AXDND1: variants seen among roughly 807,000 people sequenced by gnomAD.
AXDND1 encodes the protein axonemal dynein light chain domain-containing protein 1.
AXDND1 carries 110 observed loss-of-function variants against 137.5 expected under a neutral mutation model. The ratio of observed to expected loss-of-function variants is 0.80; its 90% CI spans 0.69 to 0.94. The LOEUF (loss-of-function observed/expected upper bound fraction) is 0.94, where lower values mean the gene tolerates loss of function less well. AXDND1 is among the 40% of genes least tolerant of loss of function. AXDND1 has a pLI of 0.00. For synonymous variants in AXDND1, 414 were observed against 399.7 expected (o/e 1.04, Z -0.43); for missense variants, 1,191 against 1,169.8 (o/e 1.02, Z -0.26).
chr1:179,463,447 C>A lies in AXDND1; in HGVS notation c.1799-4996C>A, dbSNP rs569505237. ...AGCAGTTTTGAGTGAGTTTCTTAATCCTGAGTTCTAGTTTGATTGCACTGT... is the reference window on the plus strand; with the variant it reads ...AGCAGTTTTGAGTGAGTTTCTTAATACTGAGTTCTAGTTTGATTGCACTGT... On this transcript the variant is annotated intron_variant, in intron 16 of 25. Transcript: ENST00000367618. Among the ~76,000 whole-genome samples the A allele has an allele frequency of 1.6e-4, 25 of 152,298 alleles. 1 individual carries two copies. In the South Asian group the frequency reaches 5.0e-3, roughly 30 times the overall value.
At chr1:179,456,750 C>T in intron 16 of AXDND1, 1 of 781,404 alleles carries the variant, frequency 1.3e-6, no homozygotes, top group Non-Finnish European at 2.3e-6. Flanking sequence ...TCCAGAACTA[C>T]TTTGACCTCT....
In AXDND1 at chr1:179,393,944, T is replaced by C. The variant is rs1650603252; in HGVS notation, c.905T>C (p.Met302Thr). ...VQMLDQIARQ[M>T]IDFYKDLVTQ... ...ATGCTTGACCAGATTGCTCGGCAGA[T>C]GATTGATTTCTACAAAGACTTGGTA... is the stretch of plus-strand genomic sequence containing the variant. Residue 302 changes from methionine (M) to threonine (T), a missense_variant, in exon 10 of 26, where the codon ATG (methionine) becomes ACG (threonine). By Grantham distance (81) the Met-to-Thr change is moderately conservative. Transcript: ENST00000367618. 1 of 1,612,370 alleles carries C rather than the reference T, an allele frequency of 6.2e-7. No individual in the cohort carries two copies. Among genetic ancestry groups the C allele is most frequent in the Admixed American group, 1.7e-5 (1 of 59,568 alleles).
intron 21 of AXDND1, among the ~76,000 whole-genome samples, chr1:179,517,080 G>A (rs1169834202): frequency 6.6e-6 from 1 of 152,134 alleles, no homozygotes; most frequent in African/African-American, 2.4e-5. Context: ...TCGGGGCAGG[G>A]CTAGGCGTGT....
intron 11 of AXDND1, among the ~76,000 whole-genome samples, chr1:179,400,892 G>A (rs1279435519): frequency 2.0e-4 from 23 of 112,926 alleles, no homozygotes; most frequent in East Asian, 2.7e-4. Flanking sequence ...GCAACAGAGC[G>A]AGACTCTGTC....
intron 20 of AXDND1, among the ~76,000 whole-genome samples, chr1:179,508,533 T>C (rs537806868): frequency 1.3e-5 from 2 of 152,084 alleles, no homozygotes; most frequent in African/African-American, 4.8e-5. Context: ...ATAATGTACC[T>C]TTTAAACGTT....
intron 9 of AXDND1, among the ~76,000 whole-genome samples, chr1:179,388,348 T>C (rs1487362127): frequency 6.6e-6 from 1 of 152,222 alleles, no homozygotes; most frequent in Non-Finnish European, 1.5e-5. Flanking sequence ...TGGGAAATTA[T>C]CAGTGATGAT....
In AXDND1 at chr1:179,480,165, A is replaced by G. The variant is rs57063864; in HGVS notation, c.1998-2963A>G. ...CAGTAGCTCCCCACTCCAGGTACCG[A>G]TTTACTGTGTTAGTCCATTCTCATG... On this transcript the variant is annotated intron_variant, in intron 17 of 25. Transcript: ENST00000367618. Among the ~76,000 whole-genome samples, 1,154 of 152,162 alleles carry G rather than the reference A, an allele frequency of 7.6e-3. 15 individuals carry two copies. The highest frequency in any genetic ancestry group is 0.026 in the African/African-American group (1,082 of 41,498).
chr1:179,442,715 C>T (rs1218821862), intron 15 of AXDND1, among the ~76,000 whole-genome samples: 3 of 152,174 alleles, frequency 2.0e-5, no homozygotes, highest in Non-Finnish European at 4.4e-5. Flanking sequence ...TGCCGGCAGA[C>T]TCATCCCGGG....
intron 17 of AXDND1, among the ~76,000 whole-genome samples, chr1:179,475,890 C>A (rs4617364): frequency 0.46 from 69,397 of 152,010 alleles, 16,715 homozygotes; most frequent in East Asian, 0.76. Context: ...GTAATTCTCA[C>A]ATGTCAAGGG....
intron 25 of AXDND1, among the ~76,000 whole-genome samples, chr1:179,539,340 T>C (rs986120523): frequency 5.9e-5 from 9 of 152,202 alleles, no homozygotes; most frequent in Non-Finnish European, 1.0e-4. Flanking sequence ...ATTGTTTCTT[T>C]CCATGTTTAG....
At chr1:179,522,374 T>C (rs1670146828) in intron 21 of AXDND1, among the ~76,000 whole-genome samples, 1 of 152,204 alleles carries the variant, frequency 6.6e-6, no homozygotes, top group South Asian at 2.1e-4. Flanking sequence ...ATATTTTCAA[T>C]CTCTTATTTC....
intron 16 of AXDND1, among the ~76,000 whole-genome samples, chr1:179,466,612 A>G (rs1663235963): frequency 6.6e-6 from 1 of 152,092 alleles, no homozygotes; most frequent in South Asian, 2.1e-4. Flanking sequence ...ATAACTTGAA[A>G]GTTGTAGTCA....
At chr1:179,411,364 A>G in intron 12 of AXDND1, 98 bp downstream of exon 12, 1 of 1,484,780 alleles carries the variant, frequency 6.7e-7, no homozygotes, top group Non-Finnish European at 9.2e-7. Context: ...TTGTTTTGAA[A>G]GAGTCTTACT....
rs568711947 is a variant in AXDND1 at position 179,414,660 on chromosome 1, C to T, written c.1230+3394C>T. 1.4e-3 allele frequency among the ~76,000 whole-genome samples: 212 copies of T among 152,088 alleles called. 2 individuals are homozygous for T. The highest frequency in any genetic ancestry group is 4.8e-3 in the African/African-American group (201 of 41,502). On this transcript the variant is annotated intron_variant, in intron 12 of 25. Transcript: ENST00000367618. Reference sequence around the variant, plus strand: ...CAGGATGGTCTCGATCTCCTGAACTCGTGATCCGCCCACCTCAGCCTGCCA... The same window carrying T: ...CAGGATGGTCTCGATCTCCTGAACTTGTGATCCGCCCACCTCAGCCTGCCA...
intron 20 of AXDND1, among the ~76,000 whole-genome samples, chr1:179,508,644 A>G: frequency 6.6e-6 from 1 of 152,194 alleles, no homozygotes; most frequent in African/African-American, 2.4e-5. Context: ...ATCTCAATAG[A>G]TAAAAGGTGA....
intron 12 of AXDND1, among the ~76,000 whole-genome samples, chr1:179,415,275 G>T (rs571083271): frequency 6.6e-5 from 10 of 152,264 alleles, no homozygotes; most frequent in African/African-American, 2.4e-4. Flanking sequence ...CCGGGAGGTG[G>T]AGGTTGCAGT....
intron 25 of AXDND1, among the ~76,000 whole-genome samples, chr1:179,542,102 T>C (rs11808258): frequency 0.32 from 48,358 of 152,122 alleles, 8,346 homozygotes; most frequent in Middle Eastern, 0.43. Context: ...TTTGACTTCA[T>C]ATGATTTTTA....
intron 25 of AXDND1, chr1:179,545,398 T>A (rs1453548214): frequency 6.6e-6 from 1 of 152,162 alleles, no homozygotes; most frequent in Non-Finnish European, 1.5e-5. Flanking sequence ...AGGGATGGGT[T>A]TCAACATTCC....
At chr1:179,376,886 G>A (rs979677072) in intron 4 of AXDND1, among the ~76,000 whole-genome samples, 13 of 151,972 alleles carry the variant, frequency 8.6e-5, no homozygotes, top group Non-Finnish European at 1.5e-4. Flanking sequence ...TTTTGGGCAC[G>A]TTAATGTACA....
Sources: allele counts gnomAD v4.1 joint callset (sites outside exome capture counted in the v4.1 genomes callset), GRCh38; gene constraint gnomAD v4.1.1; transcripts MANE v1.5; gene names NCBI Gene and HGNC (gene_info 2026-07-23, HGNC 2026-07-21).